SLIT1: variants seen among roughly 807,000 people sequenced by gnomAD.
SLIT1 encodes the protein slit homolog 1 protein.
A neutral mutation model predicts 186.1 loss-of-function variants in SLIT1; 66 were observed. The observed-to-expected ratio is 0.35, with a 90% CI of 0.29 to 0.44. SLIT1 has a LOEUF of 0.44. Among genes scored for constraint, SLIT1 ranks in the 20% least tolerant of loss-of-function variants. The pLI is 1.00. For synonymous variants in SLIT1, 761 were observed against 833.8 expected, an observed-to-expected ratio of 0.91 and a Z score of 1.50; for missense variants, 1,638 against 2,037.4, an observed-to-expected ratio of 0.80 and a Z score of 3.77.
chr10:97,049,558 C>T (rs1329844994), intron 13 of SLIT1, among the ~76,000 whole-genome samples: 2 of 152,242 alleles, frequency 1.3e-5, no homozygotes, highest in South Asian at 2.1e-4. Context: ...GCCCAGGCCA[C>T]AGCCTCTGAC....
At chr10:97,049,551 C>T (rs1053273234) in intron 13 of SLIT1, among the ~76,000 whole-genome samples, 1 of 152,228 alleles carries the variant, frequency 6.6e-6, no homozygotes, top group Non-Finnish European at 1.5e-5. Context: ...TGCAGGCGCC[C>T]AGGCCACAGC....
At chr10:97,099,636 G>A (rs755105869) in intron 4 of SLIT1, among the ~76,000 whole-genome samples, 8 of 152,134 alleles carry the variant, frequency 5.3e-5, no homozygotes, top group South Asian at 4.1e-4. Context: ...TGCAGGGAGC[G>A]GGGTGCTTCC....
chr10:97,028,001 G>A (rs887771722), intron 25 of SLIT1, among the ~76,000 whole-genome samples: 5 of 152,186 alleles, frequency 3.3e-5, no homozygotes, highest in Non-Finnish European at 5.9e-5. Flanking sequence ...GCTATGCCCA[G>A]GTGTATGCAA....
In SLIT1 at chr10:97,126,344, G is replaced by A. The variant is rs576817985; in HGVS notation, c.413+31474C>T. Among the ~76,000 whole-genome samples the A allele has an allele frequency of 1.6e-3, 247 of 152,260 alleles. 1 individual carries two copies. Among genetic ancestry groups the A allele is most frequent in the Non-Finnish European group, 2.7e-3 (186 of 68,018 alleles). ...GACCCCACGGGGTGAACAATGAATC[G>A]GATGCAGCGCCCACTGCTTTTTAGA... On this transcript the variant is annotated intron_variant, in intron 4 of 36. Transcript: ENST00000266058.
intron 4 of SLIT1, among the ~76,000 whole-genome samples, chr10:97,070,669 G>A (rs888807318): frequency 3.9e-5 from 6 of 152,146 alleles, no homozygotes; most frequent in Admixed American, 1.3e-4. Context: ...CCCTTCCTCC[G>A]TGTGAGGACA....
intron 13 of SLIT1, among the ~76,000 whole-genome samples, chr10:97,053,955 C>G (rs185300148): frequency 6.6e-6 from 1 of 151,960 alleles, no homozygotes; most frequent in South Asian, 2.1e-4. Flanking sequence ...GATCGGTGTT[C>G]GGTGTTTGGT....
In SLIT1 at chr10:97,060,097, G is replaced by A; in HGVS notation, c.1003C>T (p.Leu335=). The change falls in exon 10 of 37, where the codon CTA becomes TTA. Residue 335 remains leucine (L), a synonymous_variant. Coordinates refer to ENST00000266058, the MANE Select transcript of SLIT1 (RefSeq NM_003061.3). Reference sequence around the variant, plus strand: ...GTGGGAGGCACTCACATCCTCCGTAGCTTTCTGTAGGGTGAGAAGGCTCCA... The same window carrying A: ...GTGGGAGGCACTCACATCCTCCGTAACTTTCTGTAGGGTGAGAAGGCTCCA... ...PPGAFSPYRK[L]RRIDLSNNQI... The A allele has an allele frequency of 6.2e-7, 1 of 1,613,386 alleles. No homozygotes were observed. Among genetic ancestry groups the A allele is most frequent in the Admixed American group, 1.7e-5 (1 of 60,026 alleles).
chr10:97,023,202 T>C (rs887040573), intron 25 of SLIT1, among the ~76,000 whole-genome samples: 4 of 151,404 alleles, frequency 2.6e-5, no homozygotes, highest in Non-Finnish European at 4.4e-5. Context: ...CAGCGTACAC[T>C]ACCACGCCCA....
chr10:97,167,357 A>AG, intron 1 of SLIT1, among the ~76,000 whole-genome samples: 1 of 152,338 alleles, frequency 6.6e-6, no homozygotes, highest in Middle Eastern at 3.4e-3. Flanking sequence ...TCTCTTCCCA[A>AG]GCAGGGCTGG....
chr10:97,004,019 G>A lies in SLIT1; in HGVS notation c.3865+49C>T. ...TCCCTAGGCACCAGCTCTCCTGGCTGGCCTCAGGCCAGACAGCAAAAGAGG... is the reference window on the plus strand; with the variant it reads ...TCCCTAGGCACCAGCTCTCCTGGCTAGCCTCAGGCCAGACAGCAAAAGAGG... On this transcript the variant is annotated intron_variant, in intron 34 of 36. Transcript: ENST00000266058. The surrounding 1 kb of genome is among the most constrained non-coding windows in gnomAD (Gnocchi z 5.1). 2 of 1,521,618 alleles carry A rather than the reference G, an allele frequency of 1.3e-6. No homozygotes were observed. The highest frequency in any genetic ancestry group is 1.8e-6 in the Non-Finnish European group (2 of 1,114,416). 94.3% of individuals were successfully genotyped at this position (1,521,618 alleles called of 1,614,324 possible).
rs754742168 is a variant in SLIT1 at position 97,013,713 on chromosome 10, C to T, written c.3203+28G>A. 2.0e-6 allele frequency: 3 copies of T among 1,506,050 alleles called. No individual in the cohort carries two copies. In the African/African-American group the frequency reaches 4.2e-5, roughly 21 times the overall value. 93.3% of individuals were successfully genotyped at this position (1,506,050 alleles called of 1,614,324 possible). The stretch of plus-strand genomic sequence containing the variant: ...TCTGACTCAGGGGCCTGAGCTCCTC[C>T]CTGGCCCTGGAAAGGGGCAACACTC... On this transcript the variant is annotated intron_variant, in intron 30 of 36. Transcript: ENST00000266058.
rs1411663173 is a variant in SLIT1 at position 97,179,796 on chromosome 10, A to ACCCC, written c.197+5681_197+5682insGGGG. On this transcript the variant is annotated intron_variant, in intron 1 of 36. Transcript: ENST00000266058. ...TCAAAAAGAGGAGCCAATTCTCCAC[A>ACCCC]CCCTCCCCGCCCCCCGGCACAGCCC... is the stretch of plus-strand genomic sequence containing the variant. Among the ~76,000 whole-genome samples, 68 of 103,010 alleles carry ACCCC rather than the reference A, an allele frequency of 6.6e-4. 1 individual carries two copies. The highest frequency in any genetic ancestry group is 1.2e-3 in the Non-Finnish European group (53 of 45,140). The allele number at this position is 103,010 out of a possible 152,430, so 67.6% of individuals were successfully genotyped here.
At chr10:97,049,539 A>T (rs1848769133) in intron 13 of SLIT1, among the ~76,000 whole-genome samples, 1 of 152,174 alleles carries the variant, frequency 6.6e-6, no homozygotes, top group African/African-American at 2.4e-5. Context: ...AAAACCCAGG[A>T]CTGCAGGCGC....
At chr10:97,057,686 C>T in intron 11 of SLIT1, 1 of 383,602 alleles carries the variant, frequency 2.6e-6, no homozygotes, top group Non-Finnish European at 4.7e-6. Context: ...CAGAGAGTTA[C>T]AGGAAAAAAT....
intron 25 of SLIT1, among the ~76,000 whole-genome samples, chr10:97,023,356 G>C (rs1235744255): frequency 6.6e-6 from 1 of 151,714 alleles, no homozygotes; most frequent in Admixed American, 6.6e-5. Flanking sequence ...TTGAGCCACT[G>C]CACCTGGCTC....
chr10:97,160,992 T>TG (rs1350524304), intron 3 of SLIT1, among the ~76,000 whole-genome samples: 1 of 152,212 alleles, frequency 6.6e-6, no homozygotes, highest in East Asian at 1.9e-4. Flanking sequence ...CCCAAAGTGC[T>TG]GGGATTACAG....
At chr10:97,143,604 T>C (rs959487591) in intron 4 of SLIT1, among the ~76,000 whole-genome samples, 2 of 152,216 alleles carry the variant, frequency 1.3e-5, no homozygotes, top group Non-Finnish European at 2.9e-5. Context: ...GTAAGCTTTA[T>C]GTGTTTTTAT....
intron 4 of SLIT1, 55 bp from the exon 5 acceptor site, chr10:97,066,141 C>T: frequency 7.2e-7 from 1 of 1,398,052 alleles, no homozygotes; most frequent in South Asian, 1.2e-5. Context: ...GAGGTTCCTG[C>T]AGAGTGCTGT....
At chr10:97,112,858 T>C (rs1849477028) in intron 4 of SLIT1, among the ~76,000 whole-genome samples, 1 of 152,076 alleles carries the variant, frequency 6.6e-6, no homozygotes, top group South Asian at 2.1e-4. Flanking sequence ...TGTACCCAGC[T>C]AAAGTTTGTA....
Sources: gnomAD v4.1 joint callset for allele counts (sites outside exome capture counted in the v4.1 genomes callset) on GRCh38, gnomAD v4.1.1 for gene constraint, Gnocchi (gnomAD v3.1) non-coding constraint, MANE v1.5 for transcripts, NCBI Gene and HGNC (gene_info 2026-07-23, HGNC 2026-07-21) for gene names.